Variants in XKR4 observed in about 807,000 individuals in gnomAD.
The protein encoded by XKR4 is XK related 4.
XKR4 carries 12 observed loss-of-function variants against 53.9 expected under a neutral mutation model. That is an observed-to-expected ratio of 0.22 (90% confidence interval 0.14 to 0.36). XKR4 has a LOEUF of 0.36. Ranked by LOEUF, XKR4 falls within the 10% of genes least tolerant of loss-of-function variation. XKR4 has a pLI of 1.00. For missense variants in XKR4, 799 were observed against 859.5 expected (o/e 0.93, Z 0.88); for synonymous variants, 354 against 362.4 (o/e 0.98, Z 0.26).
chr8:55,324,498 C>T (rs1178463327), intron 1 of XKR4, among the ~76,000 whole-genome samples: 1 of 152,156 alleles, frequency 6.6e-6, no homozygotes, highest in Non-Finnish European at 1.5e-5. Flanking sequence ...TGTTATTATC[C>T]TCTGAAGTAC....
chr8:55,279,349 A>C (rs1190657801), intron 1 of XKR4, among the ~76,000 whole-genome samples: 1 of 152,186 alleles, frequency 6.6e-6, no homozygotes, highest in Admixed American at 6.5e-5. Context: ...TTCTCCACCC[A>C]CAGTGTATCT....
chr8:55,303,900 T>G (rs747975188), intron 1 of XKR4, among the ~76,000 whole-genome samples: 8 of 152,316 alleles, frequency 5.3e-5, no homozygotes, highest in Middle Eastern at 6.8e-3. Context: ...TCTTCTTTCT[T>G]AGTCTTGCTA....
intron 1 of XKR4, among the ~76,000 whole-genome samples, chr8:55,206,444 C>T (rs926166100): frequency 2.6e-5 from 4 of 152,048 alleles, no homozygotes; most frequent in Admixed American, 2.6e-4. Context: ...CTTCACCTCT[C>T]ATTAGGGCAT....
chr8:55,390,842 C>T (rs936937018), intron 2 of XKR4, among the ~76,000 whole-genome samples: 1 of 152,122 alleles, frequency 6.6e-6, no homozygotes, highest in African/African-American at 2.4e-5. Context: ...GAGAGAGACC[C>T]AGAATATAGT....
intron 1 of XKR4, among the ~76,000 whole-genome samples, chr8:55,229,140 T>C (rs1383436832): frequency 6.6e-6 from 1 of 152,248 alleles, no homozygotes; most frequent in Non-Finnish European, 1.5e-5. Flanking sequence ...AGCAGGCTTC[T>C]AGTGGGGCTG....
intron 1 of XKR4, among the ~76,000 whole-genome samples, chr8:55,202,660 T>C (rs1817590984): frequency 1.3e-5 from 2 of 152,254 alleles, no homozygotes; most frequent in African/African-American, 4.8e-5. Context: ...GATCTCAGCA[T>C]ACTTGTGACT....
At chr8:55,389,620 TAA>T (rs1325736191) in intron 2 of XKR4, among the ~76,000 whole-genome samples, 1 of 152,116 alleles carries the variant, frequency 6.6e-6, no homozygotes, top group Non-Finnish European at 1.5e-5. Context: ...GTGAGAAAAA[TAA>T]AGTCAGAGCT....
At chr8:55,142,976 A>G (rs1327751975) in intron 1 of XKR4, among the ~76,000 whole-genome samples, 1 of 152,076 alleles carries the variant, frequency 6.6e-6, no homozygotes, top group African/African-American at 2.4e-5. Context: ...AATACTCTGA[A>G]TTCATTTGCC....
At chr8:55,318,711 C>T (rs1007338522) in intron 1 of XKR4, among the ~76,000 whole-genome samples, 2 of 152,134 alleles carry the variant, frequency 1.3e-5, no homozygotes, top group Non-Finnish European at 2.9e-5. Flanking sequence ...AAACAGCTAA[C>T]AGTTCAAGTG....
In XKR4 at chr8:55,539,763, T is replaced by C. The variant is rs995450092; in HGVS notation, c.*15536T>C. 5.3e-5 allele frequency: 8 copies of C among 152,078 alleles called. No homozygotes were observed. Among genetic ancestry groups the C allele is most frequent in the African/African-American group, 1.9e-4 (8 of 41,404 alleles). 9.4% of individuals were successfully genotyped at this position (152,078 alleles called of 1,614,324 possible). On this transcript the variant is annotated 3_prime_UTR_variant, in exon 3 of 3. Coordinates refer to ENST00000327381, the MANE Select transcript of XKR4 (RefSeq NM_052898.2). ...ATATCCTTTTTGCTATAAAGGAAAATACTGTGTTTTTATTTGTTTTTGCAG... is the reference window on the plus strand; with the variant it reads ...ATATCCTTTTTGCTATAAAGGAAAACACTGTGTTTTTATTTGTTTTTGCAG...
chr8:55,336,303 G>A (rs1251828191), intron 1 of XKR4, among the ~76,000 whole-genome samples: 3 of 151,988 alleles, frequency 2.0e-5, no homozygotes, highest in South Asian at 2.1e-4. Flanking sequence ...TTGTCTTGCC[G>A]TCACCATGTA....
chr8:55,170,460 G>A (rs534056315), intron 1 of XKR4, among the ~76,000 whole-genome samples: 3 of 152,114 alleles, frequency 2.0e-5, no homozygotes, highest in African/African-American at 7.2e-5. Flanking sequence ...CAGGCAGCAG[G>A]CAAGGACAAG....
At chr8:55,160,630 C>T (rs539647922) in intron 1 of XKR4, among the ~76,000 whole-genome samples, 28 of 152,256 alleles carry the variant, frequency 1.8e-4, no homozygotes, top group South Asian at 8.3e-4. Context: ...ACTCTGTTTC[C>T]GTAATTCCCT....
chr8:55,443,873 A>C (rs1858538521), intron 2 of XKR4, among the ~76,000 whole-genome samples: 1 of 151,616 alleles, frequency 6.6e-6, no homozygotes, highest in African/African-American at 2.4e-5. Flanking sequence ...AGAAAAAAAA[A>C]GAAAAAATCA....
intron 2 of XKR4, among the ~76,000 whole-genome samples, chr8:55,368,392 C>T (rs1563334153): frequency 1.3e-5 from 2 of 152,198 alleles, no homozygotes; most frequent in South Asian, 4.1e-4. Context: ...CCCCACTCTC[C>T]CACTGGCTCG....
chr8:55,217,263 A>T (rs1479748526), intron 1 of XKR4, among the ~76,000 whole-genome samples: 1 of 145,112 alleles, frequency 6.9e-6, no homozygotes, highest in Non-Finnish European at 1.5e-5. Context: ...AAAAAAAGAC[A>T]TGGATAGTCC....
At chr8:55,496,230 G>A (rs1806345355) in intron 2 of XKR4, among the ~76,000 whole-genome samples, 1 of 152,186 alleles carries the variant, frequency 6.6e-6, no homozygotes, top group African/African-American at 2.4e-5. Context: ...AATGCTTAAT[G>A]GATAAAGATT....
chr8:55,125,776 A>C (rs1405280474), intron 1 of XKR4, among the ~76,000 whole-genome samples: 1 of 152,242 alleles, frequency 6.6e-6, no homozygotes, highest in Non-Finnish European at 1.5e-5. Flanking sequence ...TTCCCAGAAA[A>C]AAAAAATCAA....
chr8:55,193,383 T>G (rs1817467934), intron 1 of XKR4, among the ~76,000 whole-genome samples: 1 of 152,116 alleles, frequency 6.6e-6, no homozygotes, highest in Non-Finnish European at 1.5e-5. Flanking sequence ...CATGCATCTT[T>G]CCTTCACTGC....
Sources: allele counts gnomAD v4.1 joint callset (sites outside exome capture counted in the v4.1 genomes callset), GRCh38; gene constraint gnomAD v4.1.1; transcripts MANE v1.5; gene names NCBI Gene and HGNC (gene_info 2026-07-23, HGNC 2026-07-21).